Variants in MAML3 observed in about 807,000 individuals in gnomAD.
The protein encoded by MAML3 is mastermind like transcriptional coactivator 3.
In MAML3, 27 loss-of-function variants were observed where a neutral mutation model predicts 101.9. The ratio of observed to expected loss-of-function variants is 0.27; its 90% confidence interval spans 0.20 to 0.37. MAML3 has a LOEUF of 0.37. Ranked by LOEUF, MAML3 falls within the 10% of genes least tolerant of loss-of-function variation. The pLI, the probability that MAML3 is intolerant of heterozygous loss-of-function variation, is 1.00. For missense variants in MAML3, 1,316 were observed against 1,444.9 expected (o/e 0.91, Z 1.45); for synonymous variants, 501 against 555.9 (o/e 0.90, Z 1.39).
chr4:139,993,465 G>GTTCTTTTCTT (rs56025022), intron 1 of MAML3, among the ~76,000 whole-genome samples: 64 of 150,894 alleles, frequency 4.2e-4, no homozygotes, highest in Middle Eastern at 3.4e-3. Flanking sequence ...TCCCAGTATG[G>GTTCTTTTCTT]TTCTTTTCTT....
chr4:139,853,460 G>A (rs1731596751), intron 2 of MAML3, among the ~76,000 whole-genome samples: 1 of 152,154 alleles, frequency 6.6e-6, no homozygotes, highest in Non-Finnish European at 1.5e-5. Flanking sequence ...AAGCAGGAAG[G>A]AGGCTTTGAG....
intron 1 of MAML3, among the ~76,000 whole-genome samples, chr4:140,051,853 C>T (rs985137284): frequency 1.3e-4 from 20 of 152,200 alleles, no homozygotes; most frequent in African/African-American, 4.3e-4. Flanking sequence ...CTAGTGGAGG[C>T]GCCGGGATAA....
chr4:139,776,374 A>G (rs1291824629), intron 2 of MAML3, among the ~76,000 whole-genome samples: 1 of 152,160 alleles, frequency 6.6e-6, no homozygotes, highest in Non-Finnish European at 1.5e-5. Context: ...AACCTCCTAC[A>G]TTCCCTTTCT....
intron 1 of MAML3, among the ~76,000 whole-genome samples, chr4:140,091,537 C>CAAA (rs570700966): frequency 0.045 from 3,169 of 71,136 alleles, 325 homozygotes; most frequent in African/African-American, 0.063. Context: ...AACAACAAAA[C>CAAA]AAAAACAAAA....
intron 1 of MAML3, among the ~76,000 whole-genome samples, chr4:140,103,855 C>T (rs527751615): frequency 2.8e-4 from 43 of 152,256 alleles, no homozygotes; most frequent in Non-Finnish European, 5.4e-4. Flanking sequence ...GGTAAAAATG[C>T]TGCATCACCT....
At chr4:140,101,570 T>TCCAC (rs1728252655) in intron 1 of MAML3, among the ~76,000 whole-genome samples, 2 of 152,328 alleles carry the variant, frequency 1.3e-5, no homozygotes, top group South Asian at 4.1e-4. Flanking sequence ...AGACCCTCCA[T>TCCAC]TTCAGTCTTT....
chr4:139,826,006 G>A lies in MAML3; in HGVS notation c.2079+63351C>T, dbSNP rs1019735859. Among the ~76,000 whole-genome samples, 58 of 152,100 alleles carry A rather than the reference G, an allele frequency of 3.8e-4. 3 individuals carry two copies. Among genetic ancestry groups the A allele is most frequent in the Non-Finnish European group, 1.6e-4 (11 of 68,026 alleles). ...TGGGAGCAGTTTCGTGTTTCTTGTCGGCTTTTCCATGGGAGCCCTGTGGGA... is the reference window on the plus strand; with the variant it reads ...TGGGAGCAGTTTCGTGTTTCTTGTCAGCTTTTCCATGGGAGCCCTGTGGGA... On this transcript the variant is annotated intron_variant, in intron 2 of 4. Transcript: ENST00000509479.
chr4:139,862,170 T>C (rs1731796785), intron 2 of MAML3, among the ~76,000 whole-genome samples: 1 of 152,072 alleles, frequency 6.6e-6, no homozygotes, highest in African/African-American at 2.4e-5. Context: ...GATCGTGCCA[T>C]TGCACTCCAG....
chr4:139,765,575 G>T (rs1729840688), intron 2 of MAML3, among the ~76,000 whole-genome samples: 1 of 152,134 alleles, frequency 6.6e-6, no homozygotes, highest in Non-Finnish European at 1.5e-5. Context: ...TCATTTCAAG[G>T]TTTTTTTGGA....
At chr4:139,986,437 C>T (rs1246213643) in intron 1 of MAML3, among the ~76,000 whole-genome samples, 1 of 152,218 alleles carries the variant, frequency 6.6e-6, no homozygotes, top group Admixed American at 6.5e-5. Flanking sequence ...TACTTTTAGT[C>T]ATTATCACTG....
At chr4:139,940,519 G>C (rs1312065465) in intron 1 of MAML3, among the ~76,000 whole-genome samples, 1 of 152,164 alleles carries the variant, frequency 6.6e-6, no homozygotes, top group East Asian at 1.9e-4. Flanking sequence ...AATAATATGA[G>C]AAAGTCAGCT....
rs1472644367 is a variant in MAML3 at position 139,788,660 on chromosome 4, C to T, written c.2080-57993G>A. On this transcript the variant is annotated intron_variant, in intron 2 of 4. Coordinates refer to ENST00000509479, the MANE Select transcript of MAML3 (RefSeq NM_018717.5). ...TAACTTCTCTTGCAGATAGGGATGG[C>T]CAAGAAACTAAGTTTTGGTCTATGA... Among the ~76,000 whole-genome samples the T allele has an allele frequency of 2.6e-5, 4 of 152,318 alleles. No individual in the cohort carries two copies. The East Asian group carries it at 7.7e-4, about 29-fold the overall frequency.
At chr4:139,906,013 C>T (rs535266424) in intron 1 of MAML3, among the ~76,000 whole-genome samples, 9 of 152,304 alleles carry the variant, frequency 5.9e-5, no homozygotes, top group South Asian at 4.1e-4. Context: ...CCATCCTTAA[C>T]GTACATATCA....
rs1447687230 is a variant in MAML3, at chr4:139,831,815, C to T, written c.2079+57542G>A. The stretch of plus-strand genomic sequence containing the variant: ...CTCACTCTTTTTTTTTTTTTTGAGA[C>T]GGAGTCTTGCTCTGTCACCCAGGCC... On this transcript the variant is annotated intron_variant, in intron 2 of 4. Transcript: ENST00000509479. 3.3e-5 allele frequency among the ~76,000 whole-genome samples: 5 copies of T among 149,538 alleles called. No individual in the cohort carries two copies. The South Asian group carries it at 6.4e-4, about 19-fold the overall frequency.
intron 1 of MAML3, among the ~76,000 whole-genome samples, chr4:140,081,432 C>T (rs1318413079): frequency 6.6e-6 from 1 of 152,130 alleles, no homozygotes; most frequent in Non-Finnish European, 1.5e-5. Flanking sequence ...CAATATCGTG[C>T]TTACTGAAAT....
At chr4:140,136,352 C>A (rs1206544962) in intron 1 of MAML3, among the ~76,000 whole-genome samples, 2 of 152,152 alleles carry the variant, frequency 1.3e-5, no homozygotes, top group Non-Finnish European at 2.9e-5. Context: ...CCAAAATGTT[C>A]TAGATACATC....
chr4:140,149,050 A>T (rs1159448892), intron 1 of MAML3, among the ~76,000 whole-genome samples: 1 of 152,198 alleles, frequency 6.6e-6, no homozygotes, highest in Non-Finnish European at 1.5e-5. Flanking sequence ...CAGCTTGAAA[A>T]TGTACTTGTC....
chr4:139,723,214 T>C lies in MAML3; in HGVS notation c.2416+2537A>G, dbSNP rs141645979. On this transcript the variant is annotated intron_variant, in intron 4 of 4. Transcript: ENST00000509479. The stretch of plus-strand genomic sequence containing the variant: ...AAACCCATGTACAGTACAATCCCAA[T>C]TTTTGTGGGTGTCTATTTATATAGA... 1.2e-3 allele frequency among the ~76,000 whole-genome samples: 176 copies of C among 152,370 alleles called. 3 individuals are homozygous for C. The South Asian group carries it at 0.022, about 19-fold the overall frequency.
intron 1 of MAML3, among the ~76,000 whole-genome samples, chr4:139,923,749 T>A (rs1733172181): frequency 6.6e-6 from 1 of 152,188 alleles, no homozygotes; most frequent in Non-Finnish European, 1.5e-5. Context: ...AGAAGGTAGA[T>A]AATTAACTTT....
Sources: gnomAD v4.1 joint callset for allele counts (sites outside exome capture counted in the v4.1 genomes callset) on GRCh38, gnomAD v4.1.1 for gene constraint, MANE v1.5 for transcripts, NCBI Gene and HGNC (gene_info 2026-07-23, HGNC 2026-07-21) for gene names.